PTPRT: variants seen among roughly 807,000 people sequenced by gnomAD.
PTPRT encodes protein tyrosine phosphatase receptor type T, also known as receptor-type tyrosine-protein phosphatase T.
PTPRT carries 56 observed loss-of-function variants against 176.8 expected under a neutral mutation model. The ratio of observed to expected loss-of-function variants is 0.32; its 90% confidence interval spans 0.26 to 0.40. The LOEUF is 0.40. Among genes scored for constraint, PTPRT ranks in the 10% least tolerant of loss-of-function variants. The probability of loss-of-function intolerance (pLI) is 1.00; values close to 1 mark genes in which losing one functional copy is unlikely to be tolerated. For synonymous variants in PTPRT, 783 were observed against 739.0 expected (o/e 1.06, Z -0.96); for missense variants, 1,540 against 1,908.2 (o/e 0.81, Z 3.60).
At chr20:42,308,233 C>T (rs1451205198) in intron 12 of PTPRT, among the ~76,000 whole-genome samples, 4 of 152,140 alleles carry the variant, frequency 2.6e-5, no homozygotes, top group African/African-American at 9.7e-5. Context: ...TATTCCTTAA[C>T]TTTCCTAATA....
At chr20:42,367,838 T>C (rs2058535552) in intron 9 of PTPRT, among the ~76,000 whole-genome samples, 1 of 152,154 alleles carries the variant, frequency 6.6e-6, no homozygotes, top group East Asian at 1.9e-4. Context: ...TTGAAAGATT[T>C]AGGCATCTAG....
rs763077181 is a variant in PTPRT at position 42,232,377 on chromosome 20, T to A, written c.2342+3852A>T. Among the ~76,000 whole-genome samples, 79 of 152,314 alleles carry A rather than the reference T, an allele frequency of 5.2e-4. 1 individual carries two copies. Among genetic ancestry groups the A allele is most frequent in the Non-Finnish European group, 8.2e-4 (56 of 68,034 alleles). On this transcript the variant is annotated intron_variant, in intron 15 of 30. Transcript: ENST00000373187. ...AGTGATTCTCTAACATGCATATGAA[T>A]CACCTGCGACCTTGTTACAATGCAG...
intron 2 of PTPRT, among the ~76,000 whole-genome samples, chr20:42,824,518 G>A (rs897946571): frequency 2.0e-5 from 3 of 151,892 alleles, no homozygotes; most frequent in Non-Finnish European, 2.9e-5. Context: ...GGGGAGAAAG[G>A]CTAAACTATT....
Position 42,780,206 on chromosome 20 carries a change from G to A in PTPRT, c.568+12C>T, listed in dbSNP as rs1329195064. 5 of 1,608,594 alleles carry A rather than the reference G, an allele frequency of 3.1e-6. No homozygotes were observed. The African/African-American group carries it at 6.7e-5, about 22-fold the overall frequency. On this transcript the variant is annotated intron_variant, in intron 4 of 30. Transcript: ENST00000373187. ...GGATCAAGGCTGTGTTGGGAGGAAG[G>A]GAAAGACTTACTGCATGGATGAGCA...
chr20:42,908,714 A>G (rs888193522), intron 1 of PTPRT, among the ~76,000 whole-genome samples: 2 of 152,212 alleles, frequency 1.3e-5, no homozygotes, highest in African/African-American at 2.4e-5. Context: ...ATCTCTATCA[A>G]ATTTCTTTCA....
intron 11 of PTPRT, among the ~76,000 whole-genome samples, chr20:42,325,646 A>C (rs192777890): frequency 2.1e-4 from 32 of 152,190 alleles, no homozygotes; most frequent in Non-Finnish European, 4.4e-4. Context: ...TAGCCTCCCA[A>C]CTGGTCTCCC....
At chr20:42,953,589 AAT>A (rs1981404838) in intron 1 of PTPRT, among the ~76,000 whole-genome samples, 1 of 152,166 alleles carries the variant, frequency 6.6e-6, no homozygotes, top group African/African-American at 2.4e-5. Context: ...AACCCTGTAG[AAT>A]AGAGTCTATC....
intron 15 of PTPRT, among the ~76,000 whole-genome samples, chr20:42,205,740 A>G (rs1274694605): frequency 6.6e-6 from 1 of 152,028 alleles, no homozygotes; most frequent in Non-Finnish European, 1.5e-5. Flanking sequence ...GCCATCCTCC[A>G]TTGCAATCTC....
chr20:42,556,035 G>A (rs2072855483), intron 7 of PTPRT, among the ~76,000 whole-genome samples: 1 of 152,174 alleles, frequency 6.6e-6, no homozygotes, highest in Admixed American at 6.5e-5. Context: ...TGATAAAACT[G>A]AGGCCCAGAG....
intron 15 of PTPRT, among the ~76,000 whole-genome samples, chr20:42,218,966 G>A (rs926505825): frequency 6.6e-6 from 1 of 152,224 alleles, no homozygotes; most frequent in African/African-American, 2.4e-5. Context: ...AAGACAGACG[G>A]CGTTTGCAAT....
chr20:42,060,778 G>A, the PTPRT span, among the ~76,000 whole-genome samples: 3 of 152,222 alleles, frequency 2.0e-5, no homozygotes. Context: ...GAAAAGAGAC[G>A]AATACACTCT....
chr20:42,384,915 C>T (rs2058730613), intron 9 of PTPRT, among the ~76,000 whole-genome samples: 1 of 152,114 alleles, frequency 6.6e-6, no homozygotes, highest in South Asian at 2.1e-4. Context: ...AAGTTCTTTG[C>T]CCCCTTTCCA....
intron 1 of PTPRT, among the ~76,000 whole-genome samples, chr20:43,098,710 G>A (rs1372670301): frequency 3.3e-5 from 5 of 151,856 alleles, no homozygotes; most frequent in African/African-American, 4.8e-5. Context: ...CAAATTATAC[G>A]TTAAAGCAAA....
intron 1 of PTPRT, among the ~76,000 whole-genome samples, chr20:42,911,310 A>G (rs1334388593): frequency 6.6e-6 from 1 of 152,340 alleles, no homozygotes; most frequent in East Asian, 1.9e-4. Flanking sequence ...TGTAGAACCA[A>G]GAAAAACGTC....
At chr20:43,130,814 C>CAA (rs77205622) in intron 1 of PTPRT, among the ~76,000 whole-genome samples, 511 of 117,412 alleles carry the variant, frequency 4.4e-3, no homozygotes, top group Non-Finnish European at 7.4e-3. Context: ...GAAGGATTTT[C>CAA]AAAAAAAAAA....
At chr20:42,301,817 A>G (rs755585252) in intron 12 of PTPRT, among the ~76,000 whole-genome samples, 1 of 152,144 alleles carries the variant, frequency 6.6e-6, no homozygotes, top group African/African-American at 2.4e-5. Context: ...GAAAAAAAGG[A>G]GTTAGACATA....
intron 2 of PTPRT, among the ~76,000 whole-genome samples, chr20:42,820,602 A>C (rs1438284078): frequency 6.6e-6 from 1 of 152,178 alleles, no homozygotes; most frequent in Non-Finnish European, 1.5e-5. Flanking sequence ...GACATAAAAA[A>C]ATCTCCAAAT....
rs544868384 is a variant in PTPRT, at chr20:42,361,026, T to C, written c.1561-8741A>G. Reference sequence around the variant, plus strand: ...AAATGAGGTCATTCTGATCCTGAAGTCCAGTATTCTCCGCCCCACCCTGCC... The same window carrying C: ...AAATGAGGTCATTCTGATCCTGAAGCCCAGTATTCTCCGCCCCACCCTGCC... On this transcript the variant is annotated intron_variant, in intron 9 of 30. Coordinates refer to ENST00000373187, the MANE Select transcript of PTPRT (RefSeq NM_007050.6). Among the ~76,000 whole-genome samples the C allele has an allele frequency of 1.7e-3, 259 of 152,314 alleles. 1 individual carries two copies. Among genetic ancestry groups the C allele is most frequent in the African/African-American group, 5.8e-3 (240 of 41,560 alleles).
At chr20:42,800,485 G>T (rs1022459804) in intron 2 of PTPRT, among the ~76,000 whole-genome samples, 1 of 152,150 alleles carries the variant, frequency 6.6e-6, no homozygotes, top group Non-Finnish European at 1.5e-5. Flanking sequence ...ACCCCAAATT[G>T]TTCTTGACAT....
Sources: allele counts gnomAD v4.1 joint callset (sites outside exome capture counted in the v4.1 genomes callset), GRCh38; gene constraint gnomAD v4.1.1; transcripts MANE v1.5; gene names NCBI Gene and HGNC (gene_info 2026-07-23, HGNC 2026-07-21).